Variants in ADGRL3 observed in about 807,000 individuals in gnomAD.
The protein encoded by ADGRL3 is calcium-independent alpha-latrotoxin receptor 3.
ADGRL3 carries 62 observed loss-of-function variants against 153.5 expected under a neutral mutation model. The observed-to-expected ratio is 0.40, with a 90% CI of 0.33 to 0.50. The LOEUF is 0.50. Ranked by LOEUF, ADGRL3 falls within the 20% of genes least tolerant of loss-of-function variation. The pLI, the probability that ADGRL3 is intolerant of heterozygous loss-of-function variation, is 0.47. For missense variants in ADGRL3, 1,641 were observed against 1,859.4 expected (o/e 0.88, Z 2.16); for synonymous variants, 710 against 672.5 (o/e 1.06, Z -0.86).
intron 2 of ADGRL3, among the ~76,000 whole-genome samples, chr4:61,408,857 A>T (rs2097041747): frequency 6.6e-6 from 1 of 151,980 alleles, no homozygotes. Context: ...CATACTTTCA[A>T]ACTTATTTCT....
chr4:61,439,213 C>T (rs1224827802), intron 2 of ADGRL3, among the ~76,000 whole-genome samples: 1 of 152,112 alleles, frequency 6.6e-6, no homozygotes, highest in Non-Finnish European at 1.5e-5. Flanking sequence ...AAAGTACCAT[C>T]TGTTGTACTG....
chr4:61,464,063 A>T (rs2097853195), intron 2 of ADGRL3, among the ~76,000 whole-genome samples: 1 of 152,190 alleles, frequency 6.6e-6, no homozygotes, highest in African/African-American at 2.4e-5. Context: ...AAAGGCAATT[A>T]ATAAAAAATG....
chr4:61,748,356 CTACTT>C (rs2096702119), intron 8 of ADGRL3, among the ~76,000 whole-genome samples: 1 of 151,994 alleles, frequency 6.6e-6, no homozygotes, highest in African/African-American at 2.4e-5. Flanking sequence ...TGGAAAAAAA[CTACTT>C]TAAAGTTCAT....
intron 1 of ADGRL3, among the ~76,000 whole-genome samples, chr4:61,252,257 G>A (rs2342485): frequency 0.72 from 109,935 of 151,968 alleles, 39,965 homozygotes; most frequent in East Asian, 0.76. Context: ...AGTTCATTGT[G>A]TGTACATTAA....
chr4:61,354,796 G>T (rs895406413), intron 1 of ADGRL3, among the ~76,000 whole-genome samples: 2 of 152,086 alleles, frequency 1.3e-5, no homozygotes, highest in African/African-American at 2.4e-5. Flanking sequence ...TTATCAGCAT[G>T]ACCTTGCCAA....
intron 6 of ADGRL3, among the ~76,000 whole-genome samples, chr4:61,694,520 A>C (rs544535375): frequency 6.6e-6 from 1 of 152,306 alleles, no homozygotes; most frequent in South Asian, 2.1e-4. Flanking sequence ...TTAATTTAAG[A>C]ATACCTTATT....
intron 9 of ADGRL3, among the ~76,000 whole-genome samples, chr4:61,891,335 A>T (rs2098583628): frequency 6.6e-6 from 1 of 152,148 alleles, no homozygotes; most frequent in African/African-American, 2.4e-5. Flanking sequence ...ATGAAATTTG[A>T]GTAGATGCAA....
chr4:61,514,501 T>C (rs1347399208), intron 3 of ADGRL3, among the ~76,000 whole-genome samples: 1 of 152,206 alleles, frequency 6.6e-6, no homozygotes, highest in Non-Finnish European at 1.5e-5. Context: ...ATCTTGAGTA[T>C]AGTACACACA....
At chr4:61,318,696 G>A (rs2095289055) in intron 1 of ADGRL3, among the ~76,000 whole-genome samples, 2 of 152,088 alleles carry the variant, frequency 1.3e-5, no homozygotes, top group African/African-American at 4.8e-5. Flanking sequence ...CTTCATCAGG[G>A]TAATGGCTCT....
At chr4:61,286,063 C>T (rs1224628899) in intron 1 of ADGRL3, among the ~76,000 whole-genome samples, 5 of 150,798 alleles carry the variant, frequency 3.3e-5, no homozygotes, top group Non-Finnish European at 1.5e-5. Context: ...CTCTCAGAAT[C>T]ATTTAAAAAT....
chr4:61,455,654 T>C (rs1009001955), intron 2 of ADGRL3, among the ~76,000 whole-genome samples: 1 of 152,030 alleles, frequency 6.6e-6, no homozygotes, highest in Admixed American at 6.6e-5. Context: ...TATTTCATTG[T>C]ATATTCTGAT....
intron 2 of ADGRL3, among the ~76,000 whole-genome samples, chr4:61,403,766 G>A (rs1170175900): frequency 6.6e-6 from 1 of 152,032 alleles, no homozygotes; most frequent in African/African-American, 2.4e-5. Context: ...CTCTTAACTT[G>A]TGGAGTCTGT....
At chr4:61,548,675 G>A (rs1193435961) in intron 4 of ADGRL3, among the ~76,000 whole-genome samples, 3 of 151,912 alleles carry the variant, frequency 2.0e-5, no homozygotes, top group Non-Finnish European at 4.4e-5. Context: ...TTTGATTACT[G>A]TATTCTTATA....
intron 6 of ADGRL3, among the ~76,000 whole-genome samples, chr4:61,682,272 A>T (rs915305310): frequency 3.3e-5 from 5 of 151,814 alleles, no homozygotes; most frequent in African/African-American, 4.8e-5. Context: ...AGCTATATAA[A>T]TTTTTTAGAA....
chr4:61,364,158 C>T (rs2096347581), intron 1 of ADGRL3, among the ~76,000 whole-genome samples: 2 of 151,382 alleles, frequency 1.3e-5, no homozygotes, highest in South Asian at 2.1e-4. Context: ...GTTGAAACCC[C>T]GTCTCTACTA....
rs1189563194 is a variant in ADGRL3 at position 62,076,622 on chromosome 4, A to G, written c.*5714A>G. 1.3e-5 allele frequency: 2 copies of G among 152,070 alleles called. No individual in the cohort carries two copies. Among genetic ancestry groups the G allele is most frequent in the African/African-American group, 4.8e-5 (2 of 41,446 alleles). The allele number at this position is 152,070 out of a possible 1,614,324, so 9.4% of individuals were successfully genotyped here. On this transcript the variant is annotated 3_prime_UTR_variant, in exon 27 of 27. Transcript: ENST00000683033. ...TTACAGATGTATTCCGAAAAGTAAAATGGGAGTTTCCTATATTCTGATTTC... is the reference window on the plus strand; with the variant it reads ...TTACAGATGTATTCCGAAAAGTAAAGTGGGAGTTTCCTATATTCTGATTTC...
intron 21 of ADGRL3, among the ~76,000 whole-genome samples, chr4:62,002,536 C>T (rs1447991909): frequency 6.6e-6 from 1 of 151,384 alleles, no homozygotes; most frequent in Non-Finnish European, 1.5e-5. Context: ...TGGCTCATTA[C>T]TATATTAAAG....
chr4:61,477,588 C>A (rs1388049231), intron 2 of ADGRL3, among the ~76,000 whole-genome samples: 1 of 152,116 alleles, frequency 6.6e-6, no homozygotes, highest in Admixed American at 6.5e-5. Flanking sequence ...TTCAGTTTCT[C>A]TGAGACATTT....
Position 61,877,916 on chromosome 4 carries a change from C to T in ADGRL3, c.1481-14740C>T, listed in dbSNP as rs147196917. 8.5e-5 allele frequency among the ~76,000 whole-genome samples: 13 copies of T among 152,204 alleles called. No homozygotes were observed. The East Asian group carries it at 2.3e-3, about 27-fold the overall frequency. On this transcript the variant is annotated intron_variant, in intron 9 of 26. Coordinates refer to ENST00000683033, the MANE Select transcript of ADGRL3 (RefSeq NM_001387552.1). ...TGATAGTGACTGAGTTCTCATGAGA[C>T]CTGATGATGATTTTAAAAGTGTTTA...
Sources: gnomAD v4.1 joint callset for allele counts (sites outside exome capture counted in the v4.1 genomes callset) on GRCh38, gnomAD v4.1.1 for gene constraint, MANE v1.5 for transcripts, NCBI Gene and HGNC (gene_info 2026-07-23, HGNC 2026-07-21) for gene names.